ATXN2: variants seen among roughly 807,000 people sequenced by gnomAD.
ATXN2 encodes the protein ataxin-2.
In ATXN2, 37 loss-of-function variants were observed where a neutral mutation model predicts 138.6. The observed-to-expected ratio is 0.27, with a 90% CI of 0.21 to 0.35. The LOEUF is 0.35. Ranked by LOEUF, ATXN2 falls within the 10% of genes least tolerant of loss-of-function variation. The pLI is 1.00. For missense variants in ATXN2, 1,216 were observed against 1,480.3 expected, an observed-to-expected ratio of 0.82 and a Z score of 2.93; for synonymous variants, 549 against 543.7, an observed-to-expected ratio of 1.01 and a Z score of -0.13.
chr12:111,554,624 A>G (rs921832449), intron 2 of ATXN2, among the ~76,000 whole-genome samples: 1 of 152,230 alleles, frequency 6.6e-6, no homozygotes, highest in Non-Finnish European at 1.5e-5. Context: ...ATAAAAAAGC[A>G]AGAGTAAACT....
At chr12:111,504,821 A>G (rs1486758208) in intron 14 of ATXN2, among the ~76,000 whole-genome samples, 1 of 152,144 alleles carries the variant, frequency 6.6e-6, no homozygotes. Context: ...TTAATTTTTT[A>G]ATAACAATTT....
At chr12:111,532,971 C>G (rs1880925141) in intron 5 of ATXN2, among the ~76,000 whole-genome samples, 1 of 152,008 alleles carries the variant, frequency 6.6e-6, no homozygotes, top group African/African-American at 2.4e-5. Context: ...ACCCAGCAGG[C>G]TGGATTAGGA....
At chr12:111,485,457 T>C (rs1025433118) in intron 17 of ATXN2, 126 bp from the exon 18 acceptor site, 2 of 1,030,986 alleles carry the variant, frequency 1.9e-6, no homozygotes, top group South Asian at 1.6e-5. Context: ...CCATTAGTCA[T>C]TAAAAAATTA....
chr12:111,543,664 C>T (rs1283441950), intron 5 of ATXN2, among the ~76,000 whole-genome samples: 1 of 152,138 alleles, frequency 6.6e-6, no homozygotes, highest in Non-Finnish European at 1.5e-5. Context: ...CAATGTCATG[C>T]AGTACAACAT....
intron 14 of ATXN2, among the ~76,000 whole-genome samples, chr12:111,497,365 TA>T (rs1307587821): frequency 6.6e-6 from 1 of 152,154 alleles, no homozygotes; most frequent in African/African-American, 2.4e-5. Context: ...GGAATACTTC[TA>T]AACTCATTCT....
chr12:111,565,868 C>T (rs896530974), intron 1 of ATXN2, among the ~76,000 whole-genome samples: 3 of 151,794 alleles, frequency 2.0e-5, no homozygotes, highest in Admixed American at 6.6e-5. Flanking sequence ...TGGTGGTGGG[C>T]GCCTGTAATC....
intron 5 of ATXN2, among the ~76,000 whole-genome samples, chr12:111,528,793 A>T (rs1392009626): frequency 6.6e-6 from 1 of 152,186 alleles, no homozygotes; most frequent in African/African-American, 2.4e-5. Flanking sequence ...CAGGATGCTG[A>T]GAAAATCCCT....
rs760120940 is a variant in ATXN2, at chr12:111,479,425, G to GAC, written c.2524+5838_2524+5839dup. ...AAAAAAAAAAAAAAAAAGAGAGAGA[G>GAC]ACAAAAATTAGCCAGGTGTGGTGGC... is the stretch of plus-strand genomic sequence containing the variant. On this transcript the variant is annotated intron_variant, in intron 18 of 24. Transcript: ENST00000673436. Among the ~76,000 whole-genome samples the GAC allele has an allele frequency of 2.3e-3, 320 of 139,400 alleles. 2 individuals are homozygous for GAC. The East Asian group carries it at 0.029, about 13-fold the overall frequency. The allele number at this position is 139,400 out of a possible 152,430, so 91.5% of individuals were successfully genotyped here. A position where few individuals can be genotyped will look rare whatever the true frequency, so the allele number is the denominator to read the frequency against.
intron 5 of ATXN2, among the ~76,000 whole-genome samples, chr12:111,537,021 G>A (rs1000362973): frequency 1.3e-5 from 2 of 151,804 alleles, no homozygotes; most frequent in Non-Finnish European, 2.9e-5. Flanking sequence ...GGCCTCAAAT[G>A]ATCTGCCAGC....
Position 111,520,983 on chromosome 12 carries a change from A to C in ATXN2, c.697-10T>G. 1 of 1,518,110 alleles carries C rather than the reference A, an allele frequency of 6.6e-7. No homozygotes were observed. Among genetic ancestry groups the C allele is most frequent in the Non-Finnish European group, 9.0e-7 (1 of 1,105,992 alleles). 94.0% of individuals were successfully genotyped at this position (1,518,110 alleles called of 1,614,324 possible). ...GATCCCATCCATTAGACTAGAAGAA[A>C]ATGAAGCTTGTTTTTCAAAATGTCA... On this transcript the variant is annotated splice_polypyrimidine_tract_variant and intron_variant, in intron 6 of 24. Coordinates refer to ENST00000673436, the MANE Select transcript of ATXN2 (RefSeq NM_001372574.1).
intron 1 of ATXN2, among the ~76,000 whole-genome samples, chr12:111,585,662 C>T (rs935759442): frequency 4.0e-5 from 6 of 151,456 alleles, no homozygotes; most frequent in East Asian, 1.9e-4. Flanking sequence ...AAAATTAACC[C>T]GGTGTGTGAC....
chr12:111,543,831 C>T (rs768245025), intron 5 of ATXN2, among the ~76,000 whole-genome samples: 1 of 152,176 alleles, frequency 6.6e-6, no homozygotes, highest in African/African-American at 2.4e-5. Flanking sequence ...AATCCCATCA[C>T]TTTTGAAGGC....
intron 18 of ATXN2, among the ~76,000 whole-genome samples, chr12:111,479,815 G>GAA (rs1877090233): frequency 6.7e-6 from 1 of 148,352 alleles, no homozygotes; most frequent in Non-Finnish European, 1.5e-5. Flanking sequence ...GAAGCCAAAA[G>GAA]ATTGAACACC....
At chr12:111,520,429 G>T (rs1268572267) in intron 7 of ATXN2, among the ~76,000 whole-genome samples, 3 of 152,158 alleles carry the variant, frequency 2.0e-5, no homozygotes, top group Non-Finnish European at 4.4e-5. Context: ...GAGGCAGGTG[G>T]ATCACGAGGT....
Position 111,598,466 on chromosome 12 carries a change from G to A in ATXN2, c.251+318C>T. ...GAGGATCGTGCGGAAGGGGGAGCCG[G>A]GGCTGACCATCGCCGCTACCCGAGA... On this transcript the variant is annotated intron_variant, in intron 1 of 24. Coordinates refer to ENST00000673436, the MANE Select transcript of ATXN2 (RefSeq NM_001372574.1). The surrounding 1 kb of genome is among the most constrained non-coding windows in gnomAD (Gnocchi z 4.5). The A allele has an allele frequency of 1.0e-6, 1 of 985,384 alleles. No individual in the cohort carries two copies. Among genetic ancestry groups the A allele is most frequent in the Non-Finnish European group, 1.2e-6 (1 of 830,004 alleles). 61.0% of individuals were successfully genotyped at this position (985,384 alleles called of 1,614,324 possible).
At chr12:111,595,955 T>A (rs1318491055) in intron 1 of ATXN2, among the ~76,000 whole-genome samples, 1 of 151,714 alleles carries the variant, frequency 6.6e-6, no homozygotes, top group African/African-American at 2.4e-5. Context: ...CCCAGCACTT[T>A]GGGAGGCCAA....
Position 111,598,247 on chromosome 12 carries a change from A to G in ATXN2, c.251+537T>C, listed in dbSNP as rs1885038628. The G allele has an allele frequency of 1.9e-6, 2 of 1,034,310 alleles. No individual in the cohort carries two copies. Among genetic ancestry groups the G allele is most frequent in the Non-Finnish European group, 2.3e-6 (2 of 858,810 alleles). The allele number at this position is 1,034,310 out of a possible 1,614,324, so 64.1% of individuals were successfully genotyped here. On this transcript the variant is annotated intron_variant, in intron 1 of 24. Transcript: ENST00000673436. The surrounding 1 kb of genome is among the most constrained non-coding windows in gnomAD (Gnocchi z 4.5). ...GGGGAGAGAGCCCCGACAGACCCTG[A>G]TGATTCCGGAGGAGCCCGGTGCCTA...
Position 111,491,168 on chromosome 12 carries a change from A to G in ATXN2, c.1936-2388T>C, listed in dbSNP as rs4456327. On this transcript the variant is annotated intron_variant, in intron 14 of 24. Transcript: ENST00000673436. ...CTCAGGAGGCTGAGGTAGGAGAATT[A>G]TTTGAACCCGGGAGGCGGAGGTTGT... 0.037 allele frequency among the ~76,000 whole-genome samples: 5,552 copies of G among 152,074 alleles called. 977 individuals carry two copies. In the East Asian group the frequency reaches 0.57, roughly 16 times the overall value.
At chr12:111,555,537 G>A (rs1484039313) in intron 2 of ATXN2, among the ~76,000 whole-genome samples, 1 of 152,150 alleles carries the variant, frequency 6.6e-6, no homozygotes. Context: ...CTGTCGCTAT[G>A]TGAAGAAGGA....
Sources: gnomAD v4.1 joint callset for allele counts (sites outside exome capture counted in the v4.1 genomes callset) on GRCh38, gnomAD v4.1.1 for gene constraint, Gnocchi (gnomAD v3.1) non-coding constraint, MANE v1.5 for transcripts, NCBI Gene and HGNC (gene_info 2026-07-23, HGNC 2026-07-21) for gene names.